Variants in CD36 observed in about 807,000 individuals in gnomAD.
The protein encoded by CD36 is platelet glycoprotein 4.
A neutral mutation model predicts 55.2 loss-of-function variants in CD36; 119 were observed. That is an observed-to-expected ratio of 2.15 (90% CI 1.86 to 2.51). The LOEUF (loss-of-function observed/expected upper bound fraction) is 2.51, where lower values mean the gene tolerates loss of function less well. Among genes scored for constraint, CD36 ranks in the 30% most tolerant of loss-of-function variants. CD36 has a pLI of 0.00. For synonymous variants in CD36, 186 were observed against 193.6 expected (o/e 0.96, Z 0.33); for missense variants, 819 against 555.5 (o/e 1.47, Z -4.77).
At chr7:80,667,314 C>T (rs186618963) in intron 8 of CD36, among the ~76,000 whole-genome samples, 155 of 151,236 alleles carry the variant, frequency 1.0e-3, no homozygotes, top group South Asian at 2.1e-3. Flanking sequence ...CTTTTAGTTC[C>T]GGCTACTTGG....
chr7:80,677,848 G>A lies in CD36; in HGVS notation c.*1465G>A, dbSNP rs1196851631. 3 of 152,048 alleles carry A rather than the reference G, an allele frequency of 2.0e-5. No homozygotes were observed. Among genetic ancestry groups the A allele is most frequent in the African/African-American group, 7.3e-5 (3 of 41,378 alleles). The allele number at this position is 152,048 out of a possible 1,614,324, so 9.4% of individuals were successfully genotyped here. A position where few individuals can be genotyped will look rare whatever the true frequency, so the allele number is the denominator to read the frequency against. On this transcript the variant is annotated 3_prime_UTR_variant, in exon 15 of 15. Coordinates refer to ENST00000447544, the MANE Select transcript of CD36 (RefSeq NM_001001548.3). ...TAATCATGACTCAGATCTTAATACA[G>A]GGATGATCTCATAGCATTTAGATAT... is the stretch of plus-strand genomic sequence containing the variant.
chr7:80,608,509 A>T (rs75126765), intron 1 of CD36, among the ~76,000 whole-genome samples: 17,951 of 152,234 alleles, frequency 0.12, 1,475 homozygotes, highest in East Asian at 0.34. Context: ...ATGCATATAA[A>T]ATACTCATAC....
At position 80,676,551 on chromosome 7, in the gene CD36, C is replaced by T. The variant is rs1291975516; in HGVS notation, c.*168C>T. 2 of 152,172 alleles carry T rather than the reference C, an allele frequency of 1.3e-5. No homozygotes were observed. Among genetic ancestry groups the T allele is most frequent in the Non-Finnish European group, 2.9e-5 (2 of 68,040 alleles). The allele number at this position is 152,172 out of a possible 1,614,324, so 9.4% of individuals were successfully genotyped here. A position where few individuals can be genotyped will look rare whatever the true frequency, so the allele number is the denominator to read the frequency against. ...TCCCAGTAGCTGCCCTATTCAACTG[C>T]AACAGTCTCCAGGACCATCAGTATA... On this transcript the variant is annotated 3_prime_UTR_variant, in exon 15 of 15. Coordinates refer to ENST00000447544, the MANE Select transcript of CD36 (RefSeq NM_001001548.3).
At chr7:80,630,898 T>C (rs922126608) in intron 1 of CD36, among the ~76,000 whole-genome samples, 1 of 152,048 alleles carries the variant, frequency 6.6e-6, no homozygotes, top group Non-Finnish European at 1.5e-5. Flanking sequence ...AACAGGAGAA[T>C]TGCAGAGTAT....
At chr7:80,646,245 A>G (rs969764402) in intron 2 of CD36, 64 bp downstream of exon 2, 3 of 173,672 alleles carry the variant, frequency 1.7e-5, no homozygotes, top group African/African-American at 2.4e-5. Context: ...ACATCAGTCA[A>G]CCCACATTCT....
At chr7:80,643,033 A>G (rs1461504791) in intron 1 of CD36, among the ~76,000 whole-genome samples, 3 of 152,170 alleles carry the variant, frequency 2.0e-5, no homozygotes, top group Non-Finnish European at 2.9e-5. Flanking sequence ...TGCTCAACAT[A>G]TCTAGGCTCA....
upstream of CD36, chr7:80,638,550 G>A (rs1328733540): frequency 6.8e-6 from 1 of 147,552 alleles, no homozygotes; most frequent in East Asian, 2.1e-4. Flanking sequence ...CACACACTGG[G>A]ATCTGACACT....
intron 6 of CD36, among the ~76,000 whole-genome samples, chr7:80,663,953 C>T (rs1796771045): frequency 1.3e-5 from 2 of 152,100 alleles, no homozygotes; most frequent in African/African-American, 4.8e-5. Context: ...ACTCAATACT[C>T]ATAGCTCTTT....
chr7:80,662,861 G>T, intron 5 of CD36, 129 bp from the exon 6 acceptor site: 1 of 759,286 alleles, frequency 1.3e-6, no homozygotes, highest in South Asian at 1.6e-5. Context: ...GTTTTGGCAG[G>T]ATCTGGCAGT....
intron 8 of CD36, among the ~76,000 whole-genome samples, chr7:80,668,499 TTAAAA>T (rs1454741353): frequency 1.3e-5 from 2 of 152,202 alleles, no homozygotes; most frequent in African/African-American, 2.4e-5. Context: ...TTGAAAAGAC[TTAAAA>T]TGAAAGTATT....
intron 1 of CD36, chr7:80,639,944 T>G (rs1384033844): frequency 6.6e-6 from 1 of 151,854 alleles, no homozygotes; most frequent in African/African-American, 2.4e-5. Context: ...TTGCACAGAG[T>G]GTACTGAATT....
chr7:80,629,803 T>C (rs1031551604), intron 1 of CD36, among the ~76,000 whole-genome samples: 4 of 151,960 alleles, frequency 2.6e-5, no homozygotes, highest in African/African-American at 9.7e-5. Flanking sequence ...ACCTTAACAC[T>C]CATGTATTGG....
At chr7:80,675,567 T>C (rs1468208349) in intron 14 of CD36, among the ~76,000 whole-genome samples, 1 of 152,136 alleles carries the variant, frequency 6.6e-6, no homozygotes, top group Non-Finnish European at 1.5e-5. Flanking sequence ...GTTTTGCTTA[T>C]ATATTTGATT....
chr7:80,642,223 C>G (rs1230951307), intron 1 of CD36, among the ~76,000 whole-genome samples: 1 of 152,014 alleles, frequency 6.6e-6, no homozygotes. Flanking sequence ...ATTACCGATA[C>G]AGTATCAATA....
chr7:80,674,143 A>C lies in CD36; in HGVS notation c.1415A>C (p.Lys472Thr). 1 of 1,608,094 alleles carries C rather than the reference A, an allele frequency of 6.2e-7. No individual in the cohort carries two copies. The highest frequency in any genetic ancestry group is 8.5e-7 in the Non-Finnish European group (1 of 1,175,552). Reference protein sequence around the residue: ...SYCACRSKTIK With the variant: ...SYCACRSKTIT ...TGTGCATGCAGATCGAAAACAATAA[A>C]ATAAGTAAGTATGTACCAAAAAATA... Residue 472 changes from lysine (K) to threonine (T), a missense_variant, in exon 14 of 15, where the codon AAA becomes ACA. Transcript: ENST00000447544.
At chr7:80,628,934 T>G (rs1424062730) in intron 1 of CD36, among the ~76,000 whole-genome samples, 3 of 152,030 alleles carry the variant, frequency 2.0e-5, no homozygotes, top group African/African-American at 7.2e-5. Context: ...CTGACTAGCT[T>G]CTCCAAAGAA....
chr7:80,603,769 C>CAAAAAAAAAA (rs371964967), intron 1 of CD36, among the ~76,000 whole-genome samples: 12 of 94,406 alleles, frequency 1.3e-4, no homozygotes, highest in African/African-American at 3.8e-4. Context: ...TACAGTCAGG[C>CAAAAAAAAAA]AAAAAAAAAA....
intron 1 of CD36, among the ~76,000 whole-genome samples, chr7:80,613,595 C>G (rs1792992246): frequency 6.6e-6 from 1 of 152,038 alleles, no homozygotes; most frequent in Non-Finnish European, 1.5e-5. Context: ...GAACAGGAAA[C>G]TGTAGTTAAG....
In CD36 at chr7:80,664,416, C is replaced by A. The variant is rs768355632; in HGVS notation, c.620C>A (p.Thr207Asn). ...TVGLFYPYNNTADGVYKVFNG... is the reference protein window; with the variant it reads ...TVGLFYPYNNNADGVYKVFNG... ...ATACATATATTTCAGTACAACAATA[C>A]TGCAGATGGAGTTTATAAAGTTTTC... Residue 207 changes from threonine to asparagine, a missense_variant, in exon 7 of 15, where the codon ACT (threonine) becomes AAT (asparagine). Thr to Asn is a moderately conservative substitution (Grantham distance 65). Transcript: ENST00000447544. The A allele has an allele frequency of 1.3e-6, 2 of 1,547,514 alleles. No individual in the cohort carries two copies. Among genetic ancestry groups the A allele is most frequent in the Non-Finnish European group, 1.8e-6 (2 of 1,119,610 alleles).
Sources: gnomAD v4.1 joint callset for allele counts (sites outside exome capture counted in the v4.1 genomes callset) on GRCh38, gnomAD v4.1.1 for gene constraint, MANE v1.5 for transcripts, NCBI Gene and HGNC (gene_info 2026-07-23, HGNC 2026-07-21) for gene names.